The following PIGF variants were observed in gnomAD, a reference collection of about 807,000 sequenced individuals.
The protein encoded by PIGF is GPI ethanolamine phosphate transferase, stabilizing subunit.
PIGF carries 23 observed loss-of-function variants against 26.0 expected under a neutral mutation model. The ratio of observed to expected loss-of-function variants is 0.88; its 90% CI spans 0.64 to 1.25. The LOEUF is 1.25. PIGF is among the 50% of genes most tolerant of loss of function. PIGF has a pLI of 0.00. For missense variants in PIGF, 278 were observed against 249.9 expected, an observed-to-expected ratio of 1.11 and a Z score of -0.76; for synonymous variants, 93 against 92.6, an observed-to-expected ratio of 1.00 and a Z score of -0.03.
At chr2:46,610,417 T>C (rs1321554625) in intron 4 of PIGF, among the ~76,000 whole-genome samples, 1 of 152,142 alleles carries the variant, frequency 6.6e-6, no homozygotes, top group East Asian at 1.9e-4. Context: ...TAATACCATT[T>C]GGGATATTAT....
intron 5 of PIGF, among the ~76,000 whole-genome samples, chr2:46,590,790 G>C (rs1669700611): frequency 6.6e-6 from 1 of 152,134 alleles, no homozygotes; most frequent in Non-Finnish European, 1.5e-5. Context: ...CTTGAGATGG[G>C]AATCTGTGAC....
intron 4 of PIGF, among the ~76,000 whole-genome samples, chr2:46,597,518 T>C (rs1355715056): frequency 6.6e-6 from 1 of 152,060 alleles, no homozygotes; most frequent in Non-Finnish European, 1.5e-5. Flanking sequence ...GCTCAAGCGA[T>C]TCTCCTGCCT....
intron 5 of PIGF, among the ~76,000 whole-genome samples, chr2:46,583,402 G>A (rs889804559): frequency 1.3e-5 from 2 of 152,076 alleles, no homozygotes; most frequent in Non-Finnish European, 2.9e-5. Flanking sequence ...ATTGTTGGAT[G>A]TTACCTTTTC....
At chr2:46,608,080 G>A (rs1052407487) in intron 4 of PIGF, among the ~76,000 whole-genome samples, 2 of 152,162 alleles carry the variant, frequency 1.3e-5, no homozygotes, top group Non-Finnish European at 2.9e-5. Context: ...GATCTGTAGC[G>A]TGCCATGCTG....
chr2:46,583,968 C>G (rs192663350), intron 5 of PIGF, among the ~76,000 whole-genome samples: 101 of 152,240 alleles, frequency 6.6e-4, no homozygotes, highest in African/African-American at 2.2e-3. Context: ...TGCTAACTTA[C>G]ACTCTTGTTT....
intron 2 of PIGF, chr2:46,614,044 G>C: frequency 5.9e-6 from 2 of 341,586 alleles, no homozygotes. Flanking sequence ...AAGAGGTTCT[G>C]TTTCCATGGT....
chr2:46,607,324 C>A (rs544814258), intron 4 of PIGF, among the ~76,000 whole-genome samples: 1 of 152,194 alleles, frequency 6.6e-6, no homozygotes, highest in East Asian at 1.9e-4. Flanking sequence ...AAACCTTTAC[C>A]AAGGAAACCT....
chr2:46,590,982 A>T (rs535676818), intron 5 of PIGF, among the ~76,000 whole-genome samples: 1 of 152,372 alleles, frequency 6.6e-6, no homozygotes, highest in African/African-American at 2.4e-5. Context: ...CAAGGCACAC[A>T]ATCTGGATCC....
rs561041702 is a variant in PIGF, at chr2:46,608,544, T to A, written c.437+3684A>T. On this transcript the variant is annotated intron_variant, in intron 4 of 5. Transcript: ENST00000281382. ...TGGTCCTTTCCAGAAGGTTTTCAAT[T>A]TACTTTTTCCAAATCCATCAGAGGA... is the stretch of plus-strand genomic sequence containing the variant. Among the ~76,000 whole-genome samples the A allele has an allele frequency of 9.8e-5, 15 of 152,334 alleles. No individual in the cohort carries two copies. The South Asian group carries it at 3.1e-3, about 32-fold the overall frequency.
At chr2:46,605,069 A>T (rs1351881412) in intron 4 of PIGF, among the ~76,000 whole-genome samples, 1 of 152,084 alleles carries the variant, frequency 6.6e-6, no homozygotes, top group African/African-American at 2.4e-5. Context: ...GAGCAATTTC[A>T]ATATAACTAG....
intron 4 of PIGF, among the ~76,000 whole-genome samples, chr2:46,606,626 G>A (rs1485891647): frequency 1.3e-5 from 2 of 152,088 alleles, no homozygotes; most frequent in Admixed American, 1.3e-4. Flanking sequence ...TTGCTGGGTC[G>A]AAGAAGTATA....
intron 4 of PIGF, among the ~76,000 whole-genome samples, chr2:46,607,737 C>G (rs576322932): frequency 6.6e-6 from 1 of 152,052 alleles, no homozygotes; most frequent in Admixed American, 6.5e-5. Context: ...CTCTATCGCC[C>G]AGGCTGGAGT....
intron 4 of PIGF, among the ~76,000 whole-genome samples, chr2:46,610,014 T>A (rs1670359421): frequency 6.6e-6 from 1 of 152,234 alleles, no homozygotes; most frequent in Admixed American, 6.5e-5. Flanking sequence ...CTGAGCAATA[T>A]CTGAGAAGTA....
At chr2:46,596,066 T>C (rs1411385524) in intron 4 of PIGF, among the ~76,000 whole-genome samples, 1 of 151,880 alleles carries the variant, frequency 6.6e-6, no homozygotes, top group Non-Finnish European at 1.5e-5. Flanking sequence ...TACAAAAAAT[T>C]AGCTGGGCGC....
rs142190858 is a variant in PIGF at position 46,592,584 on chromosome 2, C to G, written c.438-1G>C. On this transcript the variant is annotated splice_acceptor_variant, in intron 4 of 5. Coordinates refer to ENST00000281382, the MANE Select transcript of PIGF (RefSeq NM_002643.4). LOFTEE classifies it high-confidence loss of function. The stretch of plus-strand genomic sequence containing the variant: ...ACTATTCTCCCATATGGATGTAACT[C>G]TGTGAAACACAAATTGGTACATCGT... 1 of 1,491,632 alleles carries G rather than the reference C, an allele frequency of 6.7e-7. No homozygotes were observed. Among genetic ancestry groups the G allele is most frequent in the Non-Finnish European group, 9.4e-7 (1 of 1,068,344 alleles). 92.4% of individuals were successfully genotyped at this position (1,491,632 alleles called of 1,614,324 possible).
chr2:46,611,988 C>G (rs1670435483), intron 4 of PIGF, among the ~76,000 whole-genome samples: 1 of 149,934 alleles, frequency 6.7e-6, no homozygotes. Flanking sequence ...AAACAAAAGG[C>G]TAGGTGGAAT....
intron 5 of PIGF, chr2:46,581,982 A>G (rs1669399977): frequency 6.2e-6 from 1 of 162,414 alleles, no homozygotes; most frequent in East Asian, 1.8e-4. Context: ...AGAAGTGTGT[A>G]TGCTGACCAA....
rs972092756 is a variant in PIGF, at chr2:46,589,875, G to GA, written c.546+2599dup. On this transcript the variant is annotated intron_variant, in intron 5 of 5. Transcript: ENST00000281382. This position sits in a 1 kb window ranked among gnomAD's most constrained non-coding sequence, Gnocchi z 4.7. ...ACCTTGTTTGCTGGAAATAAAAAGTGAAAAAAAAACCTCATTTCTTTAGTT... is the reference window on the plus strand; with the variant it reads ...ACCTTGTTTGCTGGAAATAAAAAGTGAAAAAAAAAACCTCATTTCTTTAGTT... Among the ~76,000 whole-genome samples, 14 of 149,362 alleles carry GA rather than the reference G, an allele frequency of 9.4e-5. No individual in the cohort carries two copies. Among genetic ancestry groups the GA allele is most frequent in the East Asian group, 5.9e-4 (3 of 5,126 alleles).
At chr2:46,582,670 T>G (rs1669437728) in intron 5 of PIGF, 1 of 152,672 alleles carries the variant, frequency 6.5e-6, no homozygotes, top group Admixed American at 6.5e-5. Flanking sequence ...TCACATGACT[T>G]GAGCTTATAG....
Sources: gnomAD v4.1 joint callset for allele counts (sites outside exome capture counted in the v4.1 genomes callset) on GRCh38, gnomAD v4.1.1 for gene constraint, Gnocchi (gnomAD v3.1) non-coding constraint, MANE v1.5 for transcripts, NCBI Gene and HGNC (gene_info 2026-07-23, HGNC 2026-07-21) for gene names.